EXOC4: variants seen among roughly 807,000 people sequenced by gnomAD.
EXOC4 encodes SEC8-like 1.
EXOC4 carries 71 observed loss-of-function variants against 107.2 expected under a neutral mutation model. The ratio of observed to expected loss-of-function variants is 0.66; its 90% CI spans 0.55 to 0.81. The LOEUF is 0.81. Ranked by LOEUF, EXOC4 falls within the 30% of genes least tolerant of loss-of-function variation. The pLI, the probability that EXOC4 is intolerant of heterozygous loss-of-function variation, is 0.00. For synonymous variants in EXOC4, 456 were observed against 441.2 expected (o/e 1.03, Z -0.42); for missense variants, 1,108 against 1,189.6 (o/e 0.93, Z 1.01).
intron 12 of EXOC4, among the ~76,000 whole-genome samples, chr7:133,903,655 G>T (rs369759731): frequency 5.9e-5 from 9 of 152,166 alleles, no homozygotes; most frequent in Non-Finnish European, 1.2e-4. Context: ...GTGGGGGAGG[G>T]AGTTGGACAT....
intron 9 of EXOC4, among the ~76,000 whole-genome samples, chr7:133,568,387 C>T (rs1191833434): frequency 6.6e-6 from 1 of 151,986 alleles, no homozygotes; most frequent in Non-Finnish European, 1.5e-5. Flanking sequence ...AACTTTTCTT[C>T]GATGGATTCT....
At chr7:133,458,868 C>G (rs1474562215) in intron 7 of EXOC4, among the ~76,000 whole-genome samples, 1 of 149,740 alleles carries the variant, frequency 6.7e-6, no homozygotes, top group African/African-American at 2.5e-5. Flanking sequence ...CTCCCACCCC[C>G]ACACCCCCGC....
At chr7:133,388,217 C>T (rs773523910) in intron 7 of EXOC4, among the ~76,000 whole-genome samples, 4 of 152,144 alleles carry the variant, frequency 2.6e-5, no homozygotes, top group Non-Finnish European at 5.9e-5. Flanking sequence ...TCAGCATTAT[C>T]AATTTATGAC....
chr7:134,060,191 C>A (rs1051581900), intron 17 of EXOC4, among the ~76,000 whole-genome samples: 4 of 152,198 alleles, frequency 2.6e-5, no homozygotes, highest in African/African-American at 9.7e-5. Flanking sequence ...TCACTCTACT[C>A]CCTCACCTAT....
intron 11 of EXOC4, among the ~76,000 whole-genome samples, chr7:133,855,112 T>A (rs1162806251): frequency 9.2e-6 from 1 of 108,910 alleles, no homozygotes; most frequent in African/African-American, 4.6e-5. Flanking sequence ...TAAATATATA[T>A]AAATATATAT....
intron 10 of EXOC4, among the ~76,000 whole-genome samples, chr7:133,658,537 G>A (rs1423595719): frequency 2.7e-4 from 41 of 152,186 alleles, no homozygotes; most frequent in Admixed American, 2.7e-3. Flanking sequence ...TAGCCTGTGG[G>A]CTGCTGTCTC....
intron 3 of EXOC4, among the ~76,000 whole-genome samples, chr7:133,294,579 A>G (rs1006377075): frequency 2.0e-5 from 3 of 152,134 alleles, no homozygotes; most frequent in African/African-American, 7.2e-5. Flanking sequence ...GTATAGTCAG[A>G]TAAGGGTTAT....
chr7:133,934,155 T>C lies in EXOC4; in HGVS notation c.2028-3736T>C, dbSNP rs558448920. On this transcript the variant is annotated intron_variant, in intron 13 of 17. Coordinates refer to ENST00000253861, the MANE Select transcript of EXOC4 (RefSeq NM_021807.4). Reference sequence around the variant, plus strand: ...CTAATGACTTCATGGTTTTCCATAGTATAGATAGATCATAATTTAATAAAT... The same window carrying C: ...CTAATGACTTCATGGTTTTCCATAGCATAGATAGATCATAATTTAATAAAT... Among the ~76,000 whole-genome samples, 5 of 152,376 alleles carry C rather than the reference T, an allele frequency of 3.3e-5. No homozygotes were observed. In the East Asian group the frequency reaches 9.6e-4, roughly 29 times the overall value.
At chr7:133,375,336 C>T (rs796069379) in intron 7 of EXOC4, among the ~76,000 whole-genome samples, 3 of 152,086 alleles carry the variant, frequency 2.0e-5, no homozygotes, top group African/African-American at 4.8e-5. Flanking sequence ...ATTAGCTGGG[C>T]GTGGTGGCGG....
intron 5 of EXOC4, among the ~76,000 whole-genome samples, chr7:133,351,870 A>G (rs1274519593): frequency 6.6e-6 from 1 of 151,716 alleles, no homozygotes; most frequent in Non-Finnish European, 1.5e-5. Flanking sequence ...TGTATTTCAT[A>G]TGTTGTGTTT....
At chr7:133,803,218 T>C (rs1376492601) in intron 10 of EXOC4, among the ~76,000 whole-genome samples, 7 of 152,230 alleles carry the variant, frequency 4.6e-5, no homozygotes, top group African/African-American at 1.7e-4. Context: ...AGTAGTTTTC[T>C]GAAATAATTT....
At chr7:134,031,595 A>G (rs1363974865) in intron 17 of EXOC4, among the ~76,000 whole-genome samples, 1 of 152,200 alleles carries the variant, frequency 6.6e-6, no homozygotes, top group African/African-American at 2.4e-5. Context: ...GGGAGGGTAG[A>G]GACAAGTATT....
intron 12 of EXOC4, among the ~76,000 whole-genome samples, chr7:133,906,213 T>C (rs1585238599): frequency 6.6e-6 from 1 of 152,150 alleles, no homozygotes; most frequent in African/African-American, 2.4e-5. Flanking sequence ...GCCCTTCAGG[T>C]TTCCTGTGTA....
intron 14 of EXOC4, among the ~76,000 whole-genome samples, chr7:133,970,192 C>G (rs1801170486): frequency 6.6e-6 from 1 of 152,110 alleles, no homozygotes; most frequent in Non-Finnish European, 1.5e-5. Context: ...GACACCCCTC[C>G]CCCCACCAAG....
intron 10 of EXOC4, among the ~76,000 whole-genome samples, chr7:133,765,888 C>T (rs932558699): frequency 7.9e-5 from 12 of 152,042 alleles, no homozygotes; most frequent in Admixed American, 3.3e-4. Context: ...GCTTTCCTTT[C>T]GAAGGACAGA....
chr7:134,050,820 A>G (rs1007009469), intron 17 of EXOC4, among the ~76,000 whole-genome samples: 5 of 152,080 alleles, frequency 3.3e-5, no homozygotes, highest in Non-Finnish European at 7.4e-5. Context: ...TGAACACACA[A>G]GGTTTTTTTT....
At chr7:133,567,498 C>T (rs929473565) in intron 9 of EXOC4, among the ~76,000 whole-genome samples, 1 of 152,134 alleles carries the variant, frequency 6.6e-6, no homozygotes, top group Non-Finnish European at 1.5e-5. Context: ...ACCATCCTTG[C>T]ATGCATGTGC....
intron 7 of EXOC4, among the ~76,000 whole-genome samples, chr7:133,420,320 A>C (rs940897183): frequency 3.3e-5 from 5 of 151,308 alleles, no homozygotes; most frequent in Non-Finnish European, 7.4e-5. Flanking sequence ...TTATGGCTGC[A>C]TAGTATTCCA....
intron 7 of EXOC4, among the ~76,000 whole-genome samples, chr7:133,420,015 A>G (rs1430223628): frequency 7.2e-6 from 1 of 139,418 alleles, no homozygotes; most frequent in African/African-American, 2.7e-5. Flanking sequence ...ACATGTGCAC[A>G]TTGTGCAGGT....
Sources: allele counts gnomAD v4.1 joint callset (sites outside exome capture counted in the v4.1 genomes callset), GRCh38; gene constraint gnomAD v4.1.1; transcripts MANE v1.5; gene names NCBI Gene and HGNC (gene_info 2026-07-23, HGNC 2026-07-21).